The following ZNF555 variants were observed in gnomAD, a reference collection of about 807,000 sequenced individuals.
ZNF555 encodes zinc finger protein 555.
Under a neutral mutation model 14.0 loss-of-function variants are expected in ZNF555, and 10 were observed. That is an observed-to-expected ratio of 0.72 (90% CI 0.44 to 1.21). ZNF555 has a LOEUF of 1.21. Among genes scored for constraint, ZNF555 ranks in the 50% most tolerant of loss-of-function variants. The probability of loss-of-function intolerance (pLI) is 0.00; values close to 1 mark genes in which losing one functional copy is unlikely to be tolerated. For synonymous variants in ZNF555, 277 were observed against 262.4 expected, an observed-to-expected ratio of 1.06 and a Z score of -0.54; for missense variants, 747 against 762.0, an observed-to-expected ratio of 0.98 and a Z score of 0.23.
chr19:2,841,917 T>C (rs1026207332), intron 1 of ZNF555, among the ~76,000 whole-genome samples: 32 of 151,532 alleles, frequency 2.1e-4, no homozygotes, highest in Non-Finnish European at 4.4e-4. Context: ...CTCGGAGCGT[T>C]TCGCTGCGGC....
In ZNF555 at chr19:2,857,845, A is replaced by C. The variant is rs2087696829; in HGVS notation, c.*3893A>C. ...CGACAGAGCAAGACCCTGTCTCAAA[A>C]AAAAAGGAATACAAAACATTCCTGA... On this transcript the variant is annotated 3_prime_UTR_variant, in exon 4 of 4. Coordinates refer to ENST00000334241, the MANE Select transcript of ZNF555 (RefSeq NM_152791.5). The C allele has an allele frequency of 6.6e-6, 1 of 152,226 alleles. No individual in the cohort carries two copies. Among genetic ancestry groups the C allele is most frequent in the Admixed American group, 6.5e-5 (1 of 15,276 alleles). 9.4% of individuals were successfully genotyped at this position (152,226 alleles called of 1,614,324 possible). A position where few individuals can be genotyped will look rare whatever the true frequency, so the allele number is the denominator to read the frequency against.
At chr19:2,844,098 C>CTT (rs1215032735) in intron 1 of ZNF555, among the ~76,000 whole-genome samples, 4 of 58,158 alleles carry the variant, frequency 6.9e-5, no homozygotes, top group Admixed American at 2.8e-4. Flanking sequence ...TCTCTCTTTT[C>CTT]TTTTTTTTTT....
chr19:2,852,780 G>A lies in ZNF555; in HGVS notation c.715G>A (p.Asp239Asn), dbSNP rs2087643623. Residue 239 changes from aspartate to asparagine, a missense_variant, in exon 4 of 4, where the codon GAC (aspartate) becomes AAC (asparagine). Transcript: ENST00000334241. The part of the protein sequence containing the change: ...ECKQCGKAFI[D>N]FSSLTSHLRS... ...TAAGCAATGTGGGAAAGCCTTTATT[G>A]ACTTCTCAAGTCTTACTAGTCATCT... The A allele has an allele frequency of 6.2e-7, 1 of 1,613,770 alleles. No homozygotes were observed. The highest frequency in any genetic ancestry group is 1.1e-5 in the South Asian group (1 of 91,066).
In ZNF555 at chr19:2,853,568, A is replaced by G. The variant is rs10412087; in HGVS notation, c.1503A>G (p.Arg501=). ...TATCCTTACAAAAACATATGAGAAG[A>G]CATACCGCAGAGAAACTCTATAAAT... ...CHISLQKHMR[R]HTAEKLYKCK... Residue 501 remains arginine (R), a synonymous_variant, in exon 4 of 4, where the codon AGA becomes AGG. Transcript: ENST00000334241. 1,375,567 of 1,612,900 alleles carry G rather than the reference A, an allele frequency of 0.85. 588,424 individuals carry two copies. The highest frequency in any genetic ancestry group is 1 in the East Asian group (44,861 of 44,872).
chr19:2,852,965 A>T lies in ZNF555; in HGVS notation c.900A>T (p.Arg300=), dbSNP rs972075074. The change falls in exon 4 of 4, where the codon CGA becomes CGT. Residue 300 remains arginine, a synonymous_variant. Transcript: ENST00000334241. ...CCTTTAGTTATTCCTCAACTTTTCG[A>T]AGACATATGATTTCACACACTGGAG... ...AEAFSYSSTF[R]RHMISHTGEK... is the part of the protein sequence containing the mutation. 8 of 1,614,132 alleles carry T rather than the reference A, an allele frequency of 5.0e-6. No individual in the cohort carries two copies. Among genetic ancestry groups the T allele is most frequent in the Non-Finnish European group, 6.8e-6 (8 of 1,180,056 alleles).
intron 1 of ZNF555, among the ~76,000 whole-genome samples, chr19:2,843,180 A>G (rs1203826874): frequency 6.6e-6 from 1 of 151,662 alleles, no homozygotes; most frequent in Non-Finnish European, 1.5e-5. Flanking sequence ...TTTTATTACT[A>G]TTATTTTTTT....
At chr19:2,848,258 T>C (rs1201132102) in intron 1 of ZNF555, among the ~76,000 whole-genome samples, 3 of 151,856 alleles carry the variant, frequency 2.0e-5, no homozygotes, top group Non-Finnish European at 4.4e-5. Context: ...TTCACGCCAT[T>C]CTCCTGCCTC....
At chr19:2,850,105 C>T (rs2087616338) in intron 1 of ZNF555, among the ~76,000 whole-genome samples, 1 of 152,184 alleles carries the variant, frequency 6.6e-6, no homozygotes, top group Non-Finnish European at 1.5e-5. Context: ...CTTTAAGACG[C>T]TATGGCTACC....
intron 3 of ZNF555, 106 bp downstream of exon 3, chr19:2,851,757 A>T: frequency 6.8e-6 from 7 of 1,023,398 alleles, no homozygotes; most frequent in Non-Finnish European, 9.4e-6. Flanking sequence ...GCCTAGCTCC[A>T]ATTTGTTTAA....
intron 2 of ZNF555, 118 bp from the exon 3 acceptor site, chr19:2,851,350 G>C (rs1357565589): frequency 2.6e-6 from 2 of 769,290 alleles, no homozygotes; most frequent in African/African-American, 1.8e-5. Flanking sequence ...TGTTGATTGA[G>C]TTGCTTACCT....
Position 2,850,728 on chromosome 19 carries a change from A to C in ZNF555, c.130+15A>C, listed in dbSNP as rs2087622102. The C allele has an allele frequency of 1.2e-6, 2 of 1,612,560 alleles. No individual in the cohort carries two copies. The highest frequency in any genetic ancestry group is 2.7e-5 in the African/African-American group (2 of 74,900). The stretch of plus-strand genomic sequence containing the variant: ...GGCCTCAGTAGGTAAGGATGACATC[A>C]TTCCTTCCTTCACGTAGTTATTGAG... On this transcript the variant is annotated intron_variant, in intron 2 of 3. Transcript: ENST00000334241.
In ZNF555 at chr19:2,857,425, T is replaced by A. The variant is rs1469248023; in HGVS notation, c.*3473T>A. On this transcript the variant is annotated 3_prime_UTR_variant, in exon 4 of 4. Coordinates refer to ENST00000334241, the MANE Select transcript of ZNF555 (RefSeq NM_152791.5). ...AAGCAAGTATAATTAATTTTACAAA[T>A]AGGGCATCAAATTTTACAAAGACTC... 1 of 152,216 alleles carries A rather than the reference T, an allele frequency of 6.6e-6. No homozygotes were observed. Among genetic ancestry groups the A allele is most frequent in the African/African-American group, 2.4e-5 (1 of 41,462 alleles). The allele number at this position is 152,216 out of a possible 1,614,324, so 9.4% of individuals were successfully genotyped here.
intron 1 of ZNF555, among the ~76,000 whole-genome samples, chr19:2,847,910 G>C (rs2087595045): frequency 6.6e-6 from 1 of 152,154 alleles, no homozygotes; most frequent in Non-Finnish European, 1.5e-5. Flanking sequence ...CCAAGGGGAA[G>C]CAGGGAACAC....
chr19:2,845,499 A>T (rs533066798), intron 1 of ZNF555, among the ~76,000 whole-genome samples: 1 of 152,194 alleles, frequency 6.6e-6, no homozygotes, highest in South Asian at 2.1e-4. Flanking sequence ...GCTGGGTTGA[A>T]TGGTGGTTCT....
intron 1 of ZNF555, among the ~76,000 whole-genome samples, chr19:2,848,593 C>A (rs2087602367): frequency 6.6e-6 from 1 of 152,010 alleles, no homozygotes. Context: ...GGATTACAGG[C>A]ACGTGCCACC....
At chr19:2,846,019 T>A (rs919817140) in intron 1 of ZNF555, among the ~76,000 whole-genome samples, 1 of 152,092 alleles carries the variant, frequency 6.6e-6, no homozygotes, top group Non-Finnish European at 1.5e-5. Flanking sequence ...GACTTAACAT[T>A]GGTCAGGCAG....
chr19:2,844,932 A>G (rs1003812638), intron 1 of ZNF555, among the ~76,000 whole-genome samples: 10 of 152,240 alleles, frequency 6.6e-5, no homozygotes, highest in Non-Finnish European at 1.5e-4. Flanking sequence ...TTAGCCAGGT[A>G]AGGTAAATTC....
At chr19:2,850,935 G>A (rs183129658) in intron 2 of ZNF555, among the ~76,000 whole-genome samples, 9 of 151,652 alleles carry the variant, frequency 5.9e-5, no homozygotes, top group East Asian at 1.9e-4. Flanking sequence ...CCTTCATGTC[G>A]TCATTGTGGA....
Position 2,851,287 on chromosome 19 carries a change from C to T in ZNF555, c.131-181C>T, listed in dbSNP as rs150406870. 9.1e-3 allele frequency among the ~76,000 whole-genome samples: 1,295 copies of T among 141,952 alleles called. 20 individuals carry two copies. The highest frequency in any genetic ancestry group is 0.032 in the African/African-American group (1,231 of 38,922). The allele number at this position is 141,952 out of a possible 152,430, so 93.1% of individuals were successfully genotyped here. A position where few individuals can be genotyped will look rare whatever the true frequency, so the allele number is the denominator to read the frequency against. On this transcript the variant is annotated intron_variant, in intron 2 of 3. Coordinates refer to ENST00000334241, the MANE Select transcript of ZNF555 (RefSeq NM_152791.5). ...CTGGGATTACAGGCATGAGCCACCG[C>T]GCCTGGCCGTGAATTTTTTTTTTTA...
Sources: allele counts gnomAD v4.1 joint callset (sites outside exome capture counted in the v4.1 genomes callset), GRCh38; gene constraint gnomAD v4.1.1; transcripts MANE v1.5; gene names NCBI Gene and HGNC (gene_info 2026-07-23, HGNC 2026-07-21).